The following USP47 variants were observed in gnomAD, a reference collection of about 807,000 sequenced individuals.
USP47 encodes the protein ubiquitin specific peptidase 47.
Under a neutral mutation model 165.1 loss-of-function variants are expected in USP47, and 35 were observed. The observed-to-expected ratio is 0.21, with a 90% CI of 0.16 to 0.28. The LOEUF (loss-of-function observed/expected upper bound fraction) is 0.28. Among genes scored for constraint, USP47 ranks in the 10% least tolerant of loss-of-function variants. The pLI is 1.00. For synonymous variants in USP47, 531 were observed against 544.5 expected, an observed-to-expected ratio of 0.98 and a Z score of 0.35; for missense variants, 1,277 against 1,607.4, an observed-to-expected ratio of 0.79 and a Z score of 3.52.
chr11:11,888,982 C>T (rs1851344457), intron 3 of USP47, among the ~76,000 whole-genome samples: 1 of 152,052 alleles, frequency 6.6e-6, no homozygotes, highest in South Asian at 2.1e-4. Flanking sequence ...GCAGAAAAGG[C>T]CATCAGTAAA....
intron 11 of USP47, among the ~76,000 whole-genome samples, chr11:11,926,795 A>T (rs750130586): frequency 2.8e-5 from 4 of 142,244 alleles, no homozygotes; most frequent in Non-Finnish European, 6.2e-5. Flanking sequence ...AAGTTAGGTT[A>T]TTGATTTGAG....
At chr11:11,914,644 G>A (rs1853275366) in intron 8 of USP47, among the ~76,000 whole-genome samples, 1 of 151,992 alleles carries the variant, frequency 6.6e-6, no homozygotes, top group Non-Finnish European at 1.5e-5. Flanking sequence ...CTCATATCTA[G>A]AATATATAAA....
chr11:11,865,864 C>T (rs1472097057), intron 1 of USP47, among the ~76,000 whole-genome samples: 1 of 151,976 alleles, frequency 6.6e-6, no homozygotes, highest in African/African-American at 2.4e-5. Flanking sequence ...ATTTTTTAAT[C>T]AGGGTGTTAG....
chr11:11,915,309 A>G (rs1564877680), intron 8 of USP47, among the ~76,000 whole-genome samples: 1 of 152,196 alleles, frequency 6.6e-6, no homozygotes, highest in Non-Finnish European at 1.5e-5. Flanking sequence ...GGGACAGATT[A>G]ACCATTACCA....
At chr11:11,875,809 G>A (rs749101005) in intron 1 of USP47, among the ~76,000 whole-genome samples, 51 of 152,308 alleles carry the variant, frequency 3.3e-4, no homozygotes, top group Non-Finnish European at 6.3e-4. Context: ...TGCCCTGTTG[G>A]CCAGGTTGGT....
chr11:11,940,444 G>A lies in USP47; in HGVS notation c.2209G>A (p.Ala737Thr). The change falls in exon 19 of 28, where the codon GCT becomes ACT. Residue 737 changes from alanine (A) to threonine (T), a missense_variant. By Grantham distance (58) the Ala-to-Thr change is moderately conservative (BLOSUM62 0). Coordinates refer to ENST00000527733, the MANE Select transcript of USP47 (RefSeq NM_001282659.2). ...TTCATTATAGGCCATCCATTTACCT[G>A]CTGAAACAATGAGAATAGTGCTGGA... ...QLISKAIHLP[A>T]ETMRIVLERC... is the part of the protein sequence containing the mutation. 2 of 1,609,042 alleles carry A rather than the reference G, an allele frequency of 1.2e-6. No individual in the cohort carries two copies. Among genetic ancestry groups the A allele is most frequent in the Non-Finnish European group, 1.7e-6 (2 of 1,177,060 alleles).
At chr11:11,902,473 C>T (rs1388586573) in intron 5 of USP47, among the ~76,000 whole-genome samples, 1 of 152,110 alleles carries the variant, frequency 6.6e-6, no homozygotes, top group Non-Finnish European at 1.5e-5. Context: ...GCCTTCTTTT[C>T]TTGAGCACTT....
chr11:11,909,401 A>G (rs1031462611), intron 8 of USP47, among the ~76,000 whole-genome samples: 3 of 152,294 alleles, frequency 2.0e-5, no homozygotes, highest in South Asian at 2.1e-4. Flanking sequence ...AAATAAGGAG[A>G]TAGTTCTAAG....
intron 20 of USP47, among the ~76,000 whole-genome samples, chr11:11,945,083 T>C (rs1374344468): frequency 6.6e-6 from 1 of 152,184 alleles, no homozygotes; most frequent in Non-Finnish European, 1.5e-5. Context: ...GAGAAACCAT[T>C]CACTACAACT....
intron 1 of USP47, among the ~76,000 whole-genome samples, chr11:11,861,924 C>A (rs1849407856): frequency 1.3e-5 from 2 of 151,774 alleles, no homozygotes; most frequent in African/African-American, 4.8e-5. Context: ...ACAACATGTG[C>A]TAAAACAAAT....
intron 3 of USP47, among the ~76,000 whole-genome samples, chr11:11,886,203 G>A (rs952973383): frequency 1.1e-4 from 17 of 152,050 alleles, no homozygotes; most frequent in Admixed American, 2.0e-4. Context: ...CCAGATGACC[G>A]CAGTGCCTCT....
chr11:11,932,786 C>T (rs1451160983), intron 14 of USP47, among the ~76,000 whole-genome samples: 1 of 152,116 alleles, frequency 6.6e-6, no homozygotes, highest in Non-Finnish European at 1.5e-5. Context: ...AAATACATGG[C>T]TCTTTAAGAT....
intron 1 of USP47, among the ~76,000 whole-genome samples, chr11:11,854,129 C>T (rs1245923736): frequency 7.1e-5 from 9 of 126,968 alleles, no homozygotes; most frequent in Non-Finnish European, 1.0e-4. Flanking sequence ...GGCGAGACTC[C>T]GTCTCAAAAA....
intron 1 of USP47, among the ~76,000 whole-genome samples, chr11:11,847,695 A>C (rs1339211750): frequency 3.9e-5 from 6 of 151,936 alleles, no homozygotes; most frequent in Non-Finnish European, 2.9e-5. Flanking sequence ...GCCTTTGTCT[A>C]ATTATTGTTA....
chr11:11,943,229 AT>A, intron 20 of USP47, 117 bp downstream of exon 20: 1 of 1,175,016 alleles, frequency 8.5e-7, no homozygotes. Flanking sequence ...AACTTTCTGG[AT>A]TATAAGATTA....
chr11:11,938,340 A>G lies in USP47; in HGVS notation c.2161A>G (p.Thr721Ala), dbSNP rs1434027419. The change falls in exon 18 of 28, where the codon ACA becomes GCA. Residue 721 changes from threonine (T) to alanine (A), a missense_variant. This residue lies in a region of USP47 where 909 missense variants were observed against 1,068.1 expected (regional missense o/e 0.85). Transcript: ENST00000527733. ...PITVRAYLNQ[T>A]VTEFKQLISK... ...AACTGTTCGTGCTTACTTAAATCAGACAGTTACAGAATTCAAACAACTGAT... is the reference window on the plus strand; with the variant it reads ...AACTGTTCGTGCTTACTTAAATCAGGCAGTTACAGAATTCAAACAACTGAT... 2 of 1,611,880 alleles carry G rather than the reference A, an allele frequency of 1.2e-6. No homozygotes were observed. The highest frequency in any genetic ancestry group is 1.7e-6 in the Non-Finnish European group (2 of 1,178,734).
At chr11:11,884,741 A>G in intron 3 of USP47, 161 bp downstream of exon 3, 1 of 547,050 alleles carries the variant, frequency 1.8e-6, no homozygotes, top group Non-Finnish European at 3.2e-6. Flanking sequence ...GTAGAATAAC[A>G]TAGTTACACT....
intron 3 of USP47, among the ~76,000 whole-genome samples, chr11:11,886,009 G>T (rs1356476827): frequency 6.6e-6 from 1 of 152,172 alleles, no homozygotes; most frequent in Non-Finnish European, 1.5e-5. Flanking sequence ...TGGAAGAGTG[G>T]CCTGACTGTT....
At chr11:11,912,885 A>G (rs1255074205) in intron 8 of USP47, among the ~76,000 whole-genome samples, 1 of 152,142 alleles carries the variant, frequency 6.6e-6, no homozygotes, top group African/African-American at 2.4e-5. Context: ...AATCTTCCAT[A>G]TTAACGAGCC....
Sources: allele counts gnomAD v4.1 joint callset (sites outside exome capture counted in the v4.1 genomes callset), GRCh38; gene constraint gnomAD v4.1.1; regional missense constraint gnomAD v4.1.1; transcripts MANE v1.5; gene names NCBI Gene and HGNC (gene_info 2026-07-23, HGNC 2026-07-21).